The following DOCK5 variants were observed in gnomAD, a reference collection of about 807,000 sequenced individuals.
The protein encoded by DOCK5 is dedicator of cytokinesis 5.
A neutral mutation model predicts 251.8 loss-of-function variants in DOCK5; 142 were observed. The observed-to-expected ratio is 0.56, with a 90% CI of 0.49 to 0.65. DOCK5 has a LOEUF of 0.65. Among genes scored for constraint, DOCK5 ranks in the 30% least tolerant of loss-of-function variants. The probability of loss-of-function intolerance (pLI) is 0.00; values close to 1 mark genes in which losing one functional copy is unlikely to be tolerated. For synonymous variants in DOCK5, 842 were observed against 835.5 expected (o/e 1.01, Z -0.13); for missense variants, 2,111 against 2,312.3 (o/e 0.91, Z 1.79).
intron 1 of DOCK5, among the ~76,000 whole-genome samples, chr8:25,218,265 C>T (rs1275404502): frequency 6.6e-6 from 1 of 152,136 alleles, no homozygotes; most frequent in Admixed American, 6.5e-5. Context: ...CTCCTGCCTC[C>T]GTGGACAGGA....
intron 6 of DOCK5, among the ~76,000 whole-genome samples, chr8:25,293,220 A>AT (rs752773604): frequency 6.6e-5 from 10 of 151,892 alleles, no homozygotes; most frequent in Non-Finnish European, 1.3e-4. Context: ...TGCATATGTG[A>AT]TTTTTTTCCT....
intron 22 of DOCK5, among the ~76,000 whole-genome samples, chr8:25,339,803 G>A (rs568871641): frequency 1.6e-4 from 25 of 152,322 alleles, no homozygotes; most frequent in Non-Finnish European, 2.8e-4. Flanking sequence ...GTGGGAAGCC[G>A]TTGGGGGACA....
chr8:25,201,058 CACCA>C (rs1801869060), intron 1 of DOCK5, among the ~76,000 whole-genome samples: 1 of 152,170 alleles, frequency 6.6e-6, no homozygotes, highest in Admixed American at 6.5e-5. Context: ...AGGTGCATGC[CACCA>C]TGCCCGGCTA....
At chr8:25,351,216 C>G (rs1312597079) in intron 26 of DOCK5, among the ~76,000 whole-genome samples, 1 of 152,144 alleles carries the variant, frequency 6.6e-6, no homozygotes, top group African/African-American at 2.4e-5. Flanking sequence ...CGCCACCACG[C>G]CCGGCTAATG....
intron 42 of DOCK5, among the ~76,000 whole-genome samples, chr8:25,391,201 GTGT>G (rs1563227998): frequency 0.17 from 23,134 of 139,546 alleles, 2,448 homozygotes; most frequent in Admixed American, 0.23. Context: ...CCACACCTGT[GTGT>G]GTGTGTGTGT....
At chr8:25,379,672 G>C (rs1032875129) in intron 38 of DOCK5, among the ~76,000 whole-genome samples, 1 of 152,116 alleles carries the variant, frequency 6.6e-6, no homozygotes. Context: ...TAAGACAGGC[G>C]TAAGAAATTA....
At chr8:25,285,719 C>T (rs190904062) in intron 5 of DOCK5, among the ~76,000 whole-genome samples, 1 of 152,298 alleles carries the variant, frequency 6.6e-6, no homozygotes, top group Admixed American at 6.5e-5. Context: ...GGAACGTAAT[C>T]TCTGAAGTAC....
intron 18 of DOCK5, among the ~76,000 whole-genome samples, chr8:25,331,124 A>G (rs1007429142): frequency 6.6e-6 from 1 of 152,034 alleles, no homozygotes; most frequent in African/African-American, 2.4e-5. Flanking sequence ...AAAAAAAAGT[A>G]TGTATTGCTA....
At chr8:25,258,387 G>A (rs563777268) in intron 2 of DOCK5, among the ~76,000 whole-genome samples, 1 of 152,192 alleles carries the variant, frequency 6.6e-6, no homozygotes, top group African/African-American at 2.4e-5. Flanking sequence ...ATGTTTTTGT[G>A]GAATGAAATT....
At position 25,323,963 on chromosome 8, in the gene DOCK5, A is replaced by G; in HGVS notation, c.1719+12A>G. ...TGGTGGTTTATAAGGTGGTGCTAACAGAAAATGGCTGAGAAAAATACTCCC... is the reference window on the plus strand; with the variant it reads ...TGGTGGTTTATAAGGTGGTGCTAACGGAAAATGGCTGAGAAAAATACTCCC... On this transcript the variant is annotated intron_variant, in intron 17 of 51. Coordinates refer to ENST00000276440, the MANE Select transcript of DOCK5 (RefSeq NM_024940.8). 1 of 1,596,686 alleles carries G rather than the reference A, an allele frequency of 6.3e-7. No homozygotes were observed. Among genetic ancestry groups the G allele is most frequent in the Non-Finnish European group, 8.5e-7 (1 of 1,172,018 alleles).
intron 25 of DOCK5, among the ~76,000 whole-genome samples, 184 bp downstream of exon 25, chr8:25,342,691 G>GTTTTTTTTTTTTTTTTTTTTTTT (rs1201632677): frequency 1.5e-4 from 11 of 72,068 alleles, no homozygotes; most frequent in African/African-American, 2.9e-4. Flanking sequence ...GTTTTTTCTT[G>GTTTTTTTTTTTTTTTTTTTTTTT]TTTTTTTTTT....
chr8:25,225,457 A>G (rs527936815), intron 1 of DOCK5, among the ~76,000 whole-genome samples: 27 of 152,338 alleles, frequency 1.8e-4, no homozygotes, highest in African/African-American at 6.3e-4. Flanking sequence ...CTGTAATCCC[A>G]GCACTTCGGG....
chr8:25,257,793 C>T (rs181630276), intron 2 of DOCK5, among the ~76,000 whole-genome samples: 1 of 152,234 alleles, frequency 6.6e-6, no homozygotes, highest in African/African-American at 2.4e-5. Flanking sequence ...CTCTCTCATT[C>T]GTCTTTCGAA....
chr8:25,254,808 T>A (rs1352707019), intron 2 of DOCK5, among the ~76,000 whole-genome samples: 103 of 103,086 alleles, frequency 1.0e-3, no homozygotes, highest in East Asian at 1.9e-3. Context: ...AAAAAAAACA[T>A]TTGATAAAGG....
chr8:25,298,860 G>A, intron 7 of DOCK5, 84 bp from the exon 8 acceptor site: 1 of 1,391,980 alleles, frequency 7.2e-7, no homozygotes, highest in Non-Finnish European at 9.6e-7. Flanking sequence ...CCATTTGCAG[G>A]CTTATTTATT....
chr8:25,374,634 T>C lies in DOCK5; in HGVS notation c.3796T>C (p.Leu1266=). 6.2e-7 allele frequency: 1 copy of C among 1,613,942 alleles called. No homozygotes were observed. The highest frequency in any genetic ancestry group is 8.5e-7 in the Non-Finnish European group (1 of 1,179,850). ...CACAGAAGCTGCCTACACGCTTCTCTTGCACGCTGAGCTTCTGCAGGTGAA... is the reference window on the plus strand; with the variant it reads ...CACAGAAGCTGCCTACACGCTTCTCCTGCACGCTGAGCTTCTGCAGGTGAA... ...NYTEAAYTLL[L]HAELLQWSDK... Residue 1266 remains leucine (L), a synonymous_variant, in exon 37 of 52, where the codon TTG becomes CTG. Coordinates refer to ENST00000276440, the MANE Select transcript of DOCK5 (RefSeq NM_024940.8).
intron 5 of DOCK5, among the ~76,000 whole-genome samples, chr8:25,281,374 G>C (rs1437521587): frequency 6.6e-6 from 1 of 150,988 alleles, no homozygotes; most frequent in African/African-American, 2.4e-5. Context: ...GGGAGGCAGA[G>C]GTTGCAGTGA....
chr8:25,289,199 G>A (rs1201686808), intron 5 of DOCK5, among the ~76,000 whole-genome samples: 2 of 152,106 alleles, frequency 1.3e-5, no homozygotes, highest in African/African-American at 2.4e-5. Flanking sequence ...GTCTACACCT[G>A]GTCCAGGAAT....
At chr8:25,317,832 C>T (rs1232408388) in intron 14 of DOCK5, among the ~76,000 whole-genome samples, 3 of 152,134 alleles carry the variant, frequency 2.0e-5, no homozygotes, top group Non-Finnish European at 4.4e-5. Context: ...AGGATGGTCT[C>T]GATCTCCTGA....
Sources: allele counts gnomAD v4.1 joint callset (sites outside exome capture counted in the v4.1 genomes callset), GRCh38; gene constraint gnomAD v4.1.1; transcripts MANE v1.5; gene names NCBI Gene and HGNC (gene_info 2026-07-23, HGNC 2026-07-21).